The following FAM222A variants were observed in gnomAD, a reference collection of about 807,000 sequenced individuals.
FAM222A encodes the protein family with sequence similarity 222 member A, also known as protein FAM222A.
Under a neutral mutation model 25.8 loss-of-function variants are expected in FAM222A, and 7 were observed. That is an observed-to-expected ratio of 0.27 (90% CI 0.15 to 0.51). The LOEUF (loss-of-function observed/expected upper bound fraction) is 0.51. FAM222A is among the 20% of genes least tolerant of loss of function. The pLI is 0.97. For missense variants in FAM222A, 573 were observed against 640.5 expected (o/e 0.89, Z 1.14); for synonymous variants, 294 against 298.8 (o/e 0.98, Z 0.17).
chr12:109,720,758 C>T (rs534969377), intron 1 of FAM222A, among the ~76,000 whole-genome samples: 41 of 152,214 alleles, frequency 2.7e-4, no homozygotes, highest in Non-Finnish European at 5.6e-4. Flanking sequence ...GTGTACCTAC[C>T]GAGGGAGAGG....
At chr12:109,761,822 G>C (rs1888906412) in intron 2 of FAM222A, among the ~76,000 whole-genome samples, 1 of 152,146 alleles carries the variant, frequency 6.6e-6, no homozygotes, top group African/African-American at 2.4e-5. Context: ...AGGAAGACCT[G>C]AGTCAGATCT....
Position 109,713,854 on chromosome 12 carries a change from A to G in FAM222A, c.-1090A>G, listed in dbSNP as rs922921831. On this transcript the variant is annotated 5_prime_UTR_variant, in exon 1 of 3. Transcript: ENST00000538780. ...GGGCCAGAGCGGAGCAGCGGGCAGG[A>G]CTGCCTGGCCGGCTGCTCCGCGGAG... Among the ~76,000 whole-genome samples the G allele has an allele frequency of 1.1e-4, 16 of 149,676 alleles. No homozygotes were observed. Among genetic ancestry groups the G allele is most frequent in the African/African-American group, 1.7e-4 (7 of 41,062 alleles).
At chr12:109,720,642 C>T (rs1887729995) in intron 1 of FAM222A, among the ~76,000 whole-genome samples, 1 of 152,248 alleles carries the variant, frequency 6.6e-6, no homozygotes, top group Non-Finnish European at 1.5e-5. Flanking sequence ...TATTTTTGCT[C>T]TTTATCCATC....
intron 1 of FAM222A, among the ~76,000 whole-genome samples, chr12:109,724,725 G>T (rs1376386218): frequency 6.6e-6 from 1 of 152,168 alleles, no homozygotes; most frequent in Admixed American, 6.6e-5. Flanking sequence ...TGGACGTAAA[G>T]TGCTTCTCTG....
At chr12:109,762,446 G>A (rs770515308) in intron 2 of FAM222A, among the ~76,000 whole-genome samples, 10 of 152,192 alleles carry the variant, frequency 6.6e-5, no homozygotes, top group Non-Finnish European at 1.3e-4. Flanking sequence ...AGAGTCACAC[G>A]GCGCCACTTC....
intron 1 of FAM222A, among the ~76,000 whole-genome samples, chr12:109,718,701 G>A (rs1457591376): frequency 6.6e-6 from 1 of 152,214 alleles, no homozygotes; most frequent in Non-Finnish European, 1.5e-5. Context: ...GGTCACCTCC[G>A]CGGGCGCCGC....
chr12:109,757,609 T>C (rs1888770195), intron 2 of FAM222A, among the ~76,000 whole-genome samples: 2 of 152,066 alleles, frequency 1.3e-5, no homozygotes. Context: ...ATCCCCAGGA[T>C]AGAAAGGATT....
chr12:109,757,563 C>T (rs1888768621), intron 2 of FAM222A, among the ~76,000 whole-genome samples: 1 of 152,116 alleles, frequency 6.6e-6, no homozygotes, highest in African/African-American at 2.4e-5. Flanking sequence ...GAAAGCAAAA[C>T]CATATCATTC....
intron 2 of FAM222A, among the ~76,000 whole-genome samples, chr12:109,754,442 G>A (rs1214165160): frequency 2.0e-5 from 3 of 152,088 alleles, no homozygotes; most frequent in Non-Finnish European, 4.4e-5. Context: ...AAATGCAACC[G>A]TACTCCTTGA....
intron 1 of FAM222A, among the ~76,000 whole-genome samples, chr12:109,724,424 C>T (rs1887805206): frequency 6.6e-6 from 1 of 152,270 alleles, no homozygotes; most frequent in Non-Finnish European, 1.5e-5. Flanking sequence ...CTGGGGCTGA[C>T]CAGGCCTCAC....
In FAM222A at chr12:109,768,801, AACCGCCCCC is replaced by A; in HGVS notation, c.879_887del (p.Pro295_Pro297del). ...CTGGATTACCTGCTGTGGCCGCAGA[AACCGCCCCC>A]ACCGCCGCCCCAGCCACTGCGTGCC... On this transcript the variant is annotated inframe_deletion, in exon 3 of 3. Coordinates refer to ENST00000538780, the MANE Select transcript of FAM222A (RefSeq NM_032829.3). 2 of 1,573,942 alleles carry A rather than the reference AACCGCCCCC, an allele frequency of 1.3e-6. No individual in the cohort carries two copies. Among genetic ancestry groups the A allele is most frequent in the South Asian group, 2.3e-5 (2 of 87,450 alleles).
At chr12:109,721,574 C>T (rs1162185576) in intron 1 of FAM222A, among the ~76,000 whole-genome samples, 1 of 152,200 alleles carries the variant, frequency 6.6e-6, no homozygotes, top group Non-Finnish European at 1.5e-5. Flanking sequence ...TGAGCTGAAA[C>T]CAGTTGCCTG....
chr12:109,767,235 T>C (rs913700029), intron 2 of FAM222A, among the ~76,000 whole-genome samples: 1 of 151,782 alleles, frequency 6.6e-6, no homozygotes, highest in Non-Finnish European at 1.5e-5. Flanking sequence ...CCATCAAGAA[T>C]AGAAAGGTTG....
At chr12:109,734,003 A>G (rs1447979628) in intron 1 of FAM222A, among the ~76,000 whole-genome samples, 2 of 152,158 alleles carry the variant, frequency 1.3e-5, no homozygotes, top group Non-Finnish European at 2.9e-5. Context: ...GCTTGAGGCC[A>G]GGAGTTCAAG....
chr12:109,745,649 G>C (rs1238174874), intron 2 of FAM222A, among the ~76,000 whole-genome samples: 1 of 152,174 alleles, frequency 6.6e-6, no homozygotes, highest in Non-Finnish European at 1.5e-5. Flanking sequence ...AGTGACAATA[G>C]GATCACAATG....
rs577320129 is a variant in FAM222A, at chr12:109,738,808, A to G, written c.-46-5293A>G. ...GGAAACCAAATGATCACATCCTCTTATGTCCAAGTTAGATGGCCCTCATAC... is the reference window on the plus strand; with the variant it reads ...GGAAACCAAATGATCACATCCTCTTGTGTCCAAGTTAGATGGCCCTCATAC... On this transcript the variant is annotated intron_variant, in intron 1 of 2. Transcript: ENST00000538780. 1.6e-4 allele frequency among the ~76,000 whole-genome samples: 25 copies of G among 152,258 alleles called. No individual in the cohort carries two copies. In the South Asian group the frequency reaches 5.2e-3, roughly 32 times the overall value.
intron 2 of FAM222A, chr12:109,744,528 A>G (rs1236758325): frequency 2.0e-6 from 2 of 985,214 alleles, no homozygotes; most frequent in Admixed American, 6.2e-5. Context: ...CACCACCATT[A>G]TCTAGCCATG....
chr12:109,768,065 C>T lies in FAM222A; in HGVS notation c.136C>T (p.Leu46=), dbSNP rs765293596. Residue 46 remains leucine, a synonymous_variant, in exon 3 of 3, where the codon CTG becomes TTG. Transcript: ENST00000538780. ...HSSRYPSPAE[L]DAYAEKVANS... is the part of the protein sequence containing the mutation. ...CTCCCGCTACCCGAGCCCAGCAGAA[C>T]TGGACGCCTATGCCGAGAAGGTGGC... 9.9e-6 allele frequency: 16 copies of T among 1,613,828 alleles called. No individual in the cohort carries two copies. The highest frequency in any genetic ancestry group is 1.3e-5 in the African/African-American group (1 of 74,936).
chr12:109,713,857 G>T lies in FAM222A; in HGVS notation c.-1087G>T, dbSNP rs866684837. On this transcript the variant is annotated 5_prime_UTR_variant, in exon 1 of 3. Transcript: ENST00000538780. The stretch of plus-strand genomic sequence containing the variant: ...CCAGAGCGGAGCAGCGGGCAGGACT[G>T]CCTGGCCGGCTGCTCCGCGGAGAGG... 3.3e-5 allele frequency among the ~76,000 whole-genome samples: 5 copies of T among 149,984 alleles called. No homozygotes were observed. Among genetic ancestry groups the T allele is most frequent in the East Asian group, 3.9e-4 (2 of 5,104 alleles).
Sources: allele counts gnomAD v4.1 joint callset (sites outside exome capture counted in the v4.1 genomes callset), GRCh38; gene constraint gnomAD v4.1.1; transcripts MANE v1.5; gene names NCBI Gene and HGNC (gene_info 2026-07-23, HGNC 2026-07-21).